Variants in KIAA0232 observed in about 807,000 individuals in gnomAD.
KIAA0232 encodes the protein uncharacterized protein KIAA0232.
KIAA0232 carries 27 observed loss-of-function variants against 122.0 expected under a neutral mutation model. The observed-to-expected ratio is 0.22, with a 90% CI of 0.16 to 0.31. KIAA0232 has a LOEUF of 0.31. Ranked by LOEUF, KIAA0232 falls within the 10% of genes least tolerant of loss-of-function variation. KIAA0232 has a pLI of 1.00. For missense variants in KIAA0232, 1,551 were observed against 1,634.2 expected, an observed-to-expected ratio of 0.95 and a Z score of 0.88; for synonymous variants, 613 against 587.6, an observed-to-expected ratio of 1.04 and a Z score of -0.63.
intron 1 of KIAA0232, among the ~76,000 whole-genome samples, chr4:6,801,008 C>G (rs1215558344): frequency 6.6e-6 from 1 of 152,122 alleles, no homozygotes; most frequent in African/African-American, 2.4e-5. Flanking sequence ...ATAATTTGGT[C>G]ATAGGATAAT....
At position 6,882,473 on chromosome 4, in the gene KIAA0232, A is replaced by G. The variant is rs1722124498; in HGVS notation, c.*1507A>G. 1.3e-5 allele frequency: 2 copies of G among 152,060 alleles called. No homozygotes were observed. The allele number at this position is 152,060 out of a possible 1,614,324, so 9.4% of individuals were successfully genotyped here. ...TTTGTTGCCTTTTTCTTAATTGATA[A>G]CACAGAAAAGAAAGTACCATCAAAG... On this transcript the variant is annotated 3_prime_UTR_variant, in exon 10 of 10. Coordinates refer to ENST00000307659, the MANE Select transcript of KIAA0232 (RefSeq NM_014743.3).
chr4:6,871,075 A>C (rs1478478190), intron 7 of KIAA0232, among the ~76,000 whole-genome samples: 1 of 152,148 alleles, frequency 6.6e-6, no homozygotes, highest in African/African-American at 2.4e-5. Context: ...CTTAAGCAAT[A>C]CTTTCTTTAT....
At chr4:6,854,939 T>A (rs1720492070) in intron 4 of KIAA0232, among the ~76,000 whole-genome samples, 1 of 152,188 alleles carries the variant, frequency 6.6e-6, no homozygotes, top group South Asian at 2.1e-4. Context: ...TGAATAAAAA[T>A]TTCTCATTAA....
At chr4:6,787,829 A>G (rs1577350383) in intron 1 of KIAA0232, among the ~76,000 whole-genome samples, 3 of 152,222 alleles carry the variant, frequency 2.0e-5, no homozygotes, top group African/African-American at 7.2e-5. Flanking sequence ...GGTTCTCAAC[A>G]TTTCCCTCTA....
At chr4:6,823,569 T>C (rs575699464) in intron 2 of KIAA0232, among the ~76,000 whole-genome samples, 34 of 152,336 alleles carry the variant, frequency 2.2e-4, no homozygotes, top group Non-Finnish European at 4.4e-5. Context: ...TGATTACTTA[T>C]ATAAAACATA....
chr4:6,829,007 A>T (rs1160012539), intron 3 of KIAA0232, among the ~76,000 whole-genome samples: 2 of 151,698 alleles, frequency 1.3e-5, no homozygotes. Context: ...CTAGTTTGAG[A>T]TTATGCATCG....
chr4:6,791,888 G>T (rs1716909748), intron 1 of KIAA0232, among the ~76,000 whole-genome samples: 1 of 152,180 alleles, frequency 6.6e-6, no homozygotes, highest in Non-Finnish European at 1.5e-5. Flanking sequence ...GAGGGACCTG[G>T]TGGGAGGTGA....
chr4:6,854,118 A>G (rs1720447985), intron 4 of KIAA0232, among the ~76,000 whole-genome samples: 2 of 152,218 alleles, frequency 1.3e-5, no homozygotes, highest in Admixed American at 1.3e-4. Context: ...AAAATTAAAG[A>G]CATTTTTGAA....
At chr4:6,822,164 T>TA (rs1223000101) in intron 2 of KIAA0232, among the ~76,000 whole-genome samples, 1 of 152,178 alleles carries the variant, frequency 6.6e-6, no homozygotes, top group Non-Finnish European at 1.5e-5. Context: ...TTAAATGAAT[T>TA]ATGGAAAATG....
At chr4:6,839,294 A>G (rs1351088176) in intron 3 of KIAA0232, among the ~76,000 whole-genome samples, 1 of 152,240 alleles carries the variant, frequency 6.6e-6, no homozygotes, top group African/African-American at 2.4e-5. Context: ...AAAATATATA[A>G]AATTTTACAT....
At chr4:6,829,938 G>C (rs1029517166) in intron 3 of KIAA0232, among the ~76,000 whole-genome samples, 1 of 152,108 alleles carries the variant, frequency 6.6e-6, no homozygotes, top group African/African-American at 2.4e-5. Context: ...ATATGCTTTC[G>C]TTTCCTTTAT....
intron 1 of KIAA0232, among the ~76,000 whole-genome samples, chr4:6,792,786 T>C (rs1716961709): frequency 6.6e-6 from 1 of 150,644 alleles, no homozygotes; most frequent in Non-Finnish European, 1.5e-5. Flanking sequence ...GCCTCCTGGG[T>C]TCACGCCATT....
intron 2 of KIAA0232, among the ~76,000 whole-genome samples, chr4:6,821,050 T>C (rs1303570443): frequency 6.6e-6 from 1 of 152,170 alleles, no homozygotes; most frequent in Non-Finnish European, 1.5e-5. Flanking sequence ...AATCACCTCT[T>C]AAAGGTCTTA....
At chr4:6,850,979 T>C (rs1413667067) in intron 4 of KIAA0232, among the ~76,000 whole-genome samples, 11 of 152,218 alleles carry the variant, frequency 7.2e-5, no homozygotes. Context: ...AAAGGAACAT[T>C]CTTACCTGCT....
chr4:6,794,891 C>G (rs564296109), intron 1 of KIAA0232, among the ~76,000 whole-genome samples: 13 of 152,170 alleles, frequency 8.5e-5, no homozygotes, highest in African/African-American at 3.1e-4. Context: ...GTTTGAGATG[C>G]CAGTCAGATA....
At chr4:6,856,430 A>G (rs1577402432) in intron 4 of KIAA0232, among the ~76,000 whole-genome samples, 1 of 152,204 alleles carries the variant, frequency 6.6e-6, no homozygotes, top group South Asian at 2.1e-4. Context: ...GTTAAAGTCT[A>G]CTAATGAAAG....
intron 3 of KIAA0232, among the ~76,000 whole-genome samples, chr4:6,833,723 A>G (rs1289611727): frequency 1.3e-5 from 2 of 152,234 alleles, no homozygotes; most frequent in Admixed American, 6.5e-5. Context: ...TTTGACTCCC[A>G]TAGTGACAAA....
chr4:6,827,852 G>GT (rs935820807), intron 3 of KIAA0232, among the ~76,000 whole-genome samples: 2 of 151,876 alleles, frequency 1.3e-5, no homozygotes, highest in African/African-American at 4.8e-5. Context: ...TGTGCCAGTA[G>GT]TTTTATTTCC....
rs569192438 is a variant in KIAA0232, at chr4:6,798,638, A to T, written c.-353-5885A>T. ...GTGATTATCGCTCACTGCACCCTTG[A>T]CCTCCAGGGCTCGAACGAGCCTCCC... On this transcript the variant is annotated intron_variant, in intron 1 of 9. Transcript: ENST00000307659. Among the ~76,000 whole-genome samples the T allele has an allele frequency of 3.3e-5, 5 of 152,112 alleles. No homozygotes were observed. In the South Asian group the frequency reaches 8.3e-4, roughly 25 times the overall value.
Sources: allele counts gnomAD v4.1 joint callset (sites outside exome capture counted in the v4.1 genomes callset), GRCh38; gene constraint gnomAD v4.1.1; transcripts MANE v1.5; gene names NCBI Gene and HGNC (gene_info 2026-07-23, HGNC 2026-07-21).